The following GON4L variants were observed in gnomAD, a reference collection of about 807,000 sequenced individuals.
The protein encoded by GON4L is gon-4 like, also known as GON-4-like protein.
In GON4L, 87 loss-of-function variants were observed where a neutral mutation model predicts 211.8. That is an observed-to-expected ratio of 0.41 (90% CI 0.35 to 0.49). The LOEUF (loss-of-function observed/expected upper bound fraction) is 0.49, where lower values mean the gene tolerates loss of function less well. GON4L is among the 20% of genes least tolerant of loss of function. The probability of loss-of-function intolerance (pLI) is 0.15; values close to 1 mark genes in which losing one functional copy is unlikely to be tolerated. For synonymous variants in GON4L, 875 were observed against 962.6 expected, an observed-to-expected ratio of 0.91 and a Z score of 1.68; for missense variants, 2,155 against 2,659.5, an observed-to-expected ratio of 0.81 and a Z score of 4.17.
intron 2 of GON4L, 32 bp from the exon 3 acceptor site, chr1:155,827,060 T>A (rs374695763): frequency 2.0e-6 from 3 of 1,489,268 alleles, no homozygotes; most frequent in African/African-American, 2.8e-5. Context: ...CTCCACACTT[T>A]GACCATTCTC....
In GON4L at chr1:155,771,057, A is replaced by G. The variant is rs1256928445; in HGVS notation, c.2646+10T>C. On this transcript the variant is annotated intron_variant, in intron 19 of 31. Coordinates refer to ENST00000368331, the MANE Select transcript of GON4L (RefSeq NM_001282860.2). ...GAGGTGCCCGGATGGCGCATGCAGG[A>G]AACACTCACTTTAATGATGTTGTCA... 7 of 1,614,160 alleles carry G rather than the reference A, an allele frequency of 4.3e-6. No individual in the cohort carries two copies. Among genetic ancestry groups the G allele is most frequent in the Middle Eastern group, 1.6e-4 (1 of 6,062 alleles).
chr1:155,812,089 T>C (rs1260572182), intron 10 of GON4L, among the ~76,000 whole-genome samples: 1 of 151,984 alleles, frequency 6.6e-6, no homozygotes, highest in African/African-American at 2.4e-5. Flanking sequence ...GGCTTTGAAG[T>C]ATATCCCCAC....
At chr1:155,768,491 G>A (rs928692779) in intron 19 of GON4L, among the ~76,000 whole-genome samples, 3 of 150,210 alleles carry the variant, frequency 2.0e-5, no homozygotes, top group Non-Finnish European at 4.4e-5. Context: ...GGTGCCTGTA[G>A]TCCCAGCTAC....
intron 10 of GON4L, among the ~76,000 whole-genome samples, chr1:155,811,825 G>A (rs1211581559): frequency 1.3e-5 from 2 of 149,080 alleles, no homozygotes; most frequent in East Asian, 4.0e-4. Context: ...AGCACTTTGG[G>A]AGGCTGAGGC....
intron 11 of GON4L, among the ~76,000 whole-genome samples, chr1:155,797,396 G>A (rs1248501095): frequency 1.3e-5 from 2 of 151,612 alleles, no homozygotes; most frequent in African/African-American, 2.4e-5. Flanking sequence ...GATTACAGGC[G>A]TGAGCCACAG....
chr1:155,757,237 T>G lies in GON4L; in HGVS notation c.5340A>C (p.Ala1780=). Residue 1780 remains alanine (A), a synonymous_variant, in exon 26 of 32, where the codon GCA becomes GCC. Transcript: ENST00000368331. ...FSIFFDHLRP[A]ASRMGDFEEI... is the part of the protein sequence containing the mutation. Reference sequence around the variant, plus strand: ...CTTCAAAGTCACCCATCCGGCTAGCTGCTGGGCGCAAGTGGTCAAAGAAGA... The same window carrying G: ...CTTCAAAGTCACCCATCCGGCTAGCGGCTGGGCGCAAGTGGTCAAAGAAGA... 6.2e-7 allele frequency: 1 copy of G among 1,613,948 alleles called. No individual in the cohort carries two copies. Among genetic ancestry groups the G allele is most frequent in the South Asian group, 1.1e-5 (1 of 91,074 alleles).
chr1:155,762,857 A>G (rs1281078374), intron 22 of GON4L, among the ~76,000 whole-genome samples: 2 of 152,014 alleles, frequency 1.3e-5, no homozygotes, highest in Non-Finnish European at 2.9e-5. Flanking sequence ...CCAACATGGT[A>G]AAACCCCATC....
Position 155,749,956 on chromosome 1 carries a change from G to T in GON4L, c.*628C>A, listed in dbSNP as rs939689861. On this transcript the variant is annotated 3_prime_UTR_variant, in exon 32 of 32. Transcript: ENST00000368331. Reference sequence around the variant, plus strand: ...AGCATCCCAGTGTTTGGGGCACTGTGTTCCTCTTCGTCCCTGCACCAGACC... The same window carrying T: ...AGCATCCCAGTGTTTGGGGCACTGTTTTCCTCTTCGTCCCTGCACCAGACC... 1.2e-5 allele frequency: 18 copies of T among 1,441,364 alleles called. No individual in the cohort carries two copies. The highest frequency in any genetic ancestry group is 1.6e-5 in the Non-Finnish European group (17 of 1,078,906). 89.3% of individuals were successfully genotyped at this position (1,441,364 alleles called of 1,614,324 possible).
At chr1:155,781,455 T>A (rs201599294) in intron 14 of GON4L, among the ~76,000 whole-genome samples, 1 of 2,198 alleles carries the variant, frequency 4.5e-4, no homozygotes, top group Admixed American at 0.028. Flanking sequence ...CTATAATTAT[T>A]ATTATTATTA....
At chr1:155,835,450 A>G (rs1557916638) in intron 2 of GON4L, among the ~76,000 whole-genome samples, 1 of 150,532 alleles carries the variant, frequency 6.6e-6, no homozygotes, top group Non-Finnish European at 1.5e-5. Context: ...AGAAACACCC[A>G]AGAATGATCA....
At chr1:155,748,695 T>C, downstream of GON4L, 3 of 1,613,896 alleles carry the variant, frequency 1.9e-6, no homozygotes, top group South Asian at 2.2e-5. Flanking sequence ...AGCCACCCCA[T>C]GGACCCCACT....
chr1:155,747,931 C>G (rs1660299587), downstream of GON4L: 3 of 1,560,340 alleles, frequency 1.9e-6, no homozygotes, highest in Non-Finnish European at 2.6e-6. Context: ...CATTCGAATC[C>G]CATTGGGAGA....
chr1:155,753,175 C>A lies in GON4L; in HGVS notation c.5842+29G>T, dbSNP rs1038839920. 2.0e-6 allele frequency: 3 copies of A among 1,529,908 alleles called. No individual in the cohort carries two copies. In the African/African-American group the frequency reaches 4.2e-5, roughly 21 times the overall value. The allele number at this position is 1,529,908 out of a possible 1,614,324, so 94.8% of individuals were successfully genotyped here. A position where few individuals can be genotyped will look rare whatever the true frequency, so the allele number is the denominator to read the frequency against. ...AGTACAGGATAACGAGACTGAGGAACAGAAGGGCTGCGTTGGCAAATCACT... is the reference window on the plus strand; with the variant it reads ...AGTACAGGATAACGAGACTGAGGAAAAGAAGGGCTGCGTTGGCAAATCACT... On this transcript the variant is annotated intron_variant, in intron 29 of 31. Coordinates refer to ENST00000368331, the MANE Select transcript of GON4L (RefSeq NM_001282860.2).
At chr1:155,823,708 A>T (rs1246605149) in intron 3 of GON4L, among the ~76,000 whole-genome samples, 2 of 152,152 alleles carry the variant, frequency 1.3e-5, no homozygotes, top group African/African-American at 4.8e-5. Flanking sequence ...CAGCCTGGCC[A>T]ACATGGTGAA....
chr1:155,762,519 C>T (rs1661923083), intron 22 of GON4L, 145 bp from the exon 23 acceptor site: 2 of 660,314 alleles, frequency 3.0e-6, no homozygotes, highest in African/African-American at 1.8e-5. Flanking sequence ...GGTATGAGAA[C>T]TAAGTCCGTC....
intron 14 of GON4L, among the ~76,000 whole-genome samples, chr1:155,779,593 G>A (rs1043249101): frequency 2.6e-5 from 4 of 152,082 alleles, no homozygotes; most frequent in Non-Finnish European, 5.9e-5. Flanking sequence ...GGAATCAGGC[G>A]TAAGCCACCA....
At chr1:155,853,034 C>T (rs1287899779) in intron 2 of GON4L, among the ~76,000 whole-genome samples, 2 of 152,076 alleles carry the variant, frequency 1.3e-5, no homozygotes, top group Non-Finnish European at 2.9e-5. Flanking sequence ...ATCGCTTGAA[C>T]CCAGGAGGTG....
intron 2 of GON4L, among the ~76,000 whole-genome samples, chr1:155,851,702 C>T (rs1016821469): frequency 2.0e-5 from 3 of 150,868 alleles, no homozygotes; most frequent in East Asian, 3.9e-4. Flanking sequence ...GGCGACAAAG[C>T]GAGACTCCGT....
At chr1:155,811,691 G>A (rs1345346906) in intron 10 of GON4L, among the ~76,000 whole-genome samples, 2 of 130,498 alleles carry the variant, frequency 1.5e-5, no homozygotes, top group Non-Finnish European at 3.2e-5. Flanking sequence ...CCGAAGTGGA[G>A]GTTGCAGTGA....
Sources: allele counts gnomAD v4.1 joint callset (sites outside exome capture counted in the v4.1 genomes callset), GRCh38; gene constraint gnomAD v4.1.1; transcripts MANE v1.5; gene names NCBI Gene and HGNC (gene_info 2026-07-23, HGNC 2026-07-21).